The following KANK1 variants were observed in gnomAD, a reference collection of about 807,000 sequenced individuals.
KANK1 encodes KN motif and ankyrin repeat domains 1.
In KANK1, 109 loss-of-function variants were observed where a neutral mutation model predicts 106.2. The ratio of observed to expected loss-of-function variants is 1.03; its 90% CI spans 0.88 to 1.20. The LOEUF is 1.20. Ranked by LOEUF, KANK1 falls within the 50% of genes most tolerant of loss-of-function variation. The probability of loss-of-function intolerance (pLI) is 0.00; values close to 1 mark genes in which losing one functional copy is unlikely to be tolerated. For synonymous variants in KANK1, 873 were observed against 652.2 expected (o/e 1.34, Z -5.16); for missense variants, 2,399 against 1,710.7 (o/e 1.40, Z -7.10).
intron 1 of KANK1, among the ~76,000 whole-genome samples, chr9:602,517 C>G (rs2135896959): frequency 6.6e-6 from 1 of 151,898 alleles, no homozygotes; most frequent in South Asian, 2.1e-4. Flanking sequence ...CTCAGCCTCC[C>G]AAAGTGCTGG....
Position 628,387 on chromosome 9 carries a change from C to G in KANK1, c.-83-48503C>G, listed in dbSNP as rs138496221. 4.2e-4 allele frequency among the ~76,000 whole-genome samples: 63 copies of G among 151,040 alleles called. 1 individual carries two copies. The highest frequency in any genetic ancestry group is 1.5e-3 in the African/African-American group (61 of 41,132). On this transcript the variant is annotated intron_variant, in intron 1 of 11. Coordinates refer to ENST00000382297, the MANE Select transcript of KANK1 (RefSeq NM_015158.5). ...TCTTAGTTCCAAATCCTGAATAACTCCTGTAATGGGCCTCCCAGTAGGGGG... is the reference window on the plus strand; with the variant it reads ...TCTTAGTTCCAAATCCTGAATAACTGCTGTAATGGGCCTCCCAGTAGGGGG...
At chr9:569,337 G>C (rs1316336639) in intron 1 of KANK1, among the ~76,000 whole-genome samples, 2 of 152,122 alleles carry the variant, frequency 1.3e-5, no homozygotes, top group Non-Finnish European at 2.9e-5. Context: ...ATTGAGAGGT[G>C]GGGCCTTTAA....
chr9:504,757 G>A lies in KANK1; in HGVS notation c.-84+3G>A, dbSNP rs1305268600. ...CAGGTTGGGAGGAGCGGCCGAAGGT[G>A]AGTGACGCGGCGGGGCCGTGCCGCG... On this transcript the variant is annotated splice_donor_region_variant and intron_variant, in intron 1 of 11. Coordinates refer to ENST00000382297, the MANE Select transcript of KANK1 (RefSeq NM_015158.5). The A allele has an allele frequency of 1.2e-5, 1 of 81,054 alleles. No individual in the cohort carries two copies. The highest frequency in any genetic ancestry group is 2.5e-5 in the Non-Finnish European group (1 of 39,228). 5.0% of individuals were successfully genotyped at this position (81,054 alleles called of 1,614,324 possible).
At chr9:740,296 A>G (rs1246232217) in intron 8 of KANK1, among the ~76,000 whole-genome samples, 1 of 152,116 alleles carries the variant, frequency 6.6e-6, no homozygotes, top group Non-Finnish European at 1.5e-5. Flanking sequence ...GCTTTTCAGG[A>G]CCCCCGACAG....
At chr9:587,281 G>A (rs1823728633) in intron 1 of KANK1, among the ~76,000 whole-genome samples, 1 of 76,450 alleles carries the variant, frequency 1.3e-5, no homozygotes, top group South Asian at 5.2e-4. Flanking sequence ...ATCTACAAAT[G>A]TATGATTGAG....
intron 2 of KANK1, among the ~76,000 whole-genome samples, chr9:677,337 G>A (rs184056981): frequency 1.3e-5 from 2 of 152,302 alleles, no homozygotes; most frequent in East Asian, 3.9e-4. Context: ...TGAATGAGGA[G>A]AGAGGAAATT....
At chr9:690,131 T>TAAA (rs1819524820) in intron 2 of KANK1, among the ~76,000 whole-genome samples, 7 of 16,690 alleles carry the variant, frequency 4.2e-4, no homozygotes, top group African/African-American at 5.4e-4. Flanking sequence ...CTTCTAAAAA[T>TAAA]ACAAAAAAAA....
Position 524,813 on chromosome 9 carries a change from G to A in KANK1, c.-84+20059G>A, listed in dbSNP as rs1039266140. Among the ~76,000 whole-genome samples, 13 of 151,288 alleles carry A rather than the reference G, an allele frequency of 8.6e-5. No homozygotes were observed. In the East Asian group the frequency reaches 2.3e-3, roughly 27 times the overall value. On this transcript the variant is annotated intron_variant, in intron 1 of 11. Coordinates refer to ENST00000382297, the MANE Select transcript of KANK1 (RefSeq NM_015158.5). ...ATTATGGGTGTGAGCCACCGTGCCC[G>A]GCTCGTTACTGGTTTTGATCAGTGT...
At chr9:629,791 G>A (rs12353073) in intron 1 of KANK1, among the ~76,000 whole-genome samples, 3 of 152,092 alleles carry the variant, frequency 2.0e-5, no homozygotes, top group Non-Finnish European at 2.9e-5. Flanking sequence ...AGAATTAGAC[G>A]AATGGGCACC....
chr9:737,647 A>T (rs1834157270), intron 7 of KANK1, among the ~76,000 whole-genome samples: 1 of 151,998 alleles, frequency 6.6e-6, no homozygotes, highest in South Asian at 2.1e-4. Flanking sequence ...GTTCCCTTTT[A>T]TTTTCCCTTT....
At chr9:611,493 C>G (rs925301243) in intron 1 of KANK1, among the ~76,000 whole-genome samples, 49 of 152,162 alleles carry the variant, frequency 3.2e-4, no homozygotes, top group African/African-American at 1.1e-3. Context: ...TTAGTGCCTG[C>G]TCCTTGCACA....
intron 2 of KANK1, 131 bp downstream of exon 2, chr9:677,140 C>G (rs374669728): frequency 1.2e-6 from 1 of 805,004 alleles, no homozygotes; most frequent in Non-Finnish European, 2.0e-6. Context: ...ATTTTCTGTC[C>G]ATTGAAGTTT....
intron 1 of KANK1, among the ~76,000 whole-genome samples, chr9:600,462 C>T (rs1428920472): frequency 6.6e-6 from 1 of 151,822 alleles, no homozygotes; most frequent in African/African-American, 2.4e-5. Flanking sequence ...GTATGTCTGA[C>T]TCTTTTCATT....
At chr9:739,736 T>C (rs7869472) in intron 8 of KANK1, among the ~76,000 whole-genome samples, 43,392 of 152,000 alleles carry the variant, frequency 0.29, 6,870 homozygotes, top group Non-Finnish European at 0.37. Flanking sequence ...TTTAATTCCA[T>C]TGCTGGATGG....
rs576954065 is a variant in KANK1 at position 588,867 on chromosome 9, T to C, written c.-84+84113T>C. ...TTAGAACAGTGCCTGACTTTTGGTA[T>C]GTGTTCAGTAATTGTTGGCCTACTA... On this transcript the variant is annotated intron_variant, in intron 1 of 11. Transcript: ENST00000382297. Among the ~76,000 whole-genome samples, 4 of 152,340 alleles carry C rather than the reference T, an allele frequency of 2.6e-5. No individual in the cohort carries two copies. In the South Asian group the frequency reaches 8.3e-4, roughly 32 times the overall value.
At chr9:555,952 C>G (rs929836769) in intron 1 of KANK1, among the ~76,000 whole-genome samples, 1 of 152,176 alleles carries the variant, frequency 6.6e-6, no homozygotes, top group African/African-American at 2.4e-5. Context: ...AACATCAGTG[C>G]TCACATTTAA....
chr9:572,551 C>CAA (rs1421913140), intron 1 of KANK1, among the ~76,000 whole-genome samples: 1 of 147,618 alleles, frequency 6.8e-6, no homozygotes, highest in Non-Finnish European at 1.5e-5. Flanking sequence ...GACTCCATCT[C>CAA]AAAAAAAAAA....
At chr9:580,411 CT>C (rs1821767219) in intron 1 of KANK1, among the ~76,000 whole-genome samples, 1 of 152,200 alleles carries the variant, frequency 6.6e-6, no homozygotes, top group South Asian at 2.1e-4. Context: ...CCACTGCTGG[CT>C]CAGGCATCTG....
chr9:639,035 C>A (rs112089596), intron 1 of KANK1, among the ~76,000 whole-genome samples: 4 of 152,248 alleles, frequency 2.6e-5, no homozygotes, highest in African/African-American at 9.6e-5. Flanking sequence ...TAACAGAAAT[C>A]ACACCTCAGT....
Sources: gnomAD v4.1 joint callset for allele counts (sites outside exome capture counted in the v4.1 genomes callset) on GRCh38, gnomAD v4.1.1 for gene constraint, MANE v1.5 for transcripts, NCBI Gene and HGNC (gene_info 2026-07-23, HGNC 2026-07-21) for gene names.